Variants in SDK1 observed in about 807,000 individuals in gnomAD.
The protein encoded by SDK1 is sidekick cell adhesion molecule 1.
In SDK1, 157 loss-of-function variants were observed where a neutral mutation model predicts 245.5. That is an observed-to-expected ratio of 0.64 (90% confidence interval 0.56 to 0.73). The LOEUF is 0.73. Ranked by LOEUF, SDK1 falls within the 30% of genes least tolerant of loss-of-function variation. The probability of loss-of-function intolerance (pLI) is 0.00; values close to 1 mark genes in which losing one functional copy is unlikely to be tolerated. For synonymous variants in SDK1, 1,647 were observed against 1,278.5 expected, an observed-to-expected ratio of 1.29 and a Z score of -6.15; for missense variants, 3,583 against 3,002.3, an observed-to-expected ratio of 1.19 and a Z score of -4.52.
intron 30 of SDK1, among the ~76,000 whole-genome samples, chr7:4,153,998 A>G (rs1216966236): frequency 1.3e-5 from 2 of 152,160 alleles, no homozygotes; most frequent in Admixed American, 1.3e-4. Flanking sequence ...AATTCTTAAG[A>G]AACATTTTTA....
intron 1 of SDK1, among the ~76,000 whole-genome samples, chr7:3,508,017 A>C (rs1782449466): frequency 6.6e-6 from 1 of 151,376 alleles, no homozygotes; most frequent in Non-Finnish European, 1.5e-5. Flanking sequence ...CTGACCCCAT[A>C]TTTTCTACTT....
intron 44 of SDK1, among the ~76,000 whole-genome samples, chr7:4,258,716 G>A (rs950134116): frequency 3.9e-5 from 6 of 152,088 alleles, no homozygotes; most frequent in African/African-American, 1.2e-4. Context: ...CACTTCTCTC[G>A]TTTTTCCCCA....
chr7:3,462,830 T>C (rs1186252741), intron 1 of SDK1, among the ~76,000 whole-genome samples: 1 of 152,214 alleles, frequency 6.6e-6, no homozygotes, highest in Admixed American at 6.5e-5. Flanking sequence ...TGTGGTTCTT[T>C]CTAGTCTGTC....
At chr7:3,402,330 C>A (rs1424202107) in intron 1 of SDK1, among the ~76,000 whole-genome samples, 1 of 152,140 alleles carries the variant, frequency 6.6e-6, no homozygotes, top group Non-Finnish European at 1.5e-5. Flanking sequence ...GGAGGTACTT[C>A]AGTAGTTTTT....
intron 4 of SDK1, among the ~76,000 whole-genome samples, chr7:3,687,007 C>A (rs1380181080): frequency 2.0e-5 from 3 of 148,820 alleles, no homozygotes; most frequent in African/African-American, 5.0e-5. Flanking sequence ...GAAGGGAGAT[C>A]TGAGTGGCTT....
At chr7:4,037,417 G>A (rs1788302075) in intron 17 of SDK1, among the ~76,000 whole-genome samples, 1 of 152,126 alleles carries the variant, frequency 6.6e-6, no homozygotes, top group Admixed American at 6.5e-5. Flanking sequence ...CCAGGGGCTT[G>A]AGACCAGCTT....
At chr7:3,756,877 G>C (rs1450620989) in intron 4 of SDK1, among the ~76,000 whole-genome samples, 1 of 152,182 alleles carries the variant, frequency 6.6e-6, no homozygotes, top group Non-Finnish European at 1.5e-5. Context: ...CATATCGGGG[G>C]CACCGGTCAT....
At chr7:3,819,614 T>C (rs1779593732) in intron 4 of SDK1, among the ~76,000 whole-genome samples, 1 of 152,034 alleles carries the variant, frequency 6.6e-6, no homozygotes. Flanking sequence ...TATGGTTCTA[T>C]AAAAGAATCT....
intron 38 of SDK1, among the ~76,000 whole-genome samples, chr7:4,217,465 C>T (rs1784887026): frequency 8.6e-6 from 1 of 115,730 alleles, no homozygotes; most frequent in African/African-American, 3.5e-5. Flanking sequence ...AGCACCACAC[C>T]ACCCGGAGCA....
intron 4 of SDK1, among the ~76,000 whole-genome samples, chr7:3,749,568 G>A (rs1005190697): frequency 3.3e-5 from 5 of 152,090 alleles, no homozygotes; most frequent in African/African-American, 7.2e-5. Flanking sequence ...CAAAGTGCTG[G>A]GATTAGAGGT....
chr7:3,412,392 T>G (rs1293618124), intron 1 of SDK1, among the ~76,000 whole-genome samples: 3 of 152,192 alleles, frequency 2.0e-5, no homozygotes, highest in Non-Finnish European at 2.9e-5. Flanking sequence ...TCACTCAACA[T>G]GTTTCTTGGA....
intron 44 of SDK1, among the ~76,000 whole-genome samples, chr7:4,249,398 C>T (rs368919534): frequency 7.8e-4 from 119 of 152,310 alleles, no homozygotes; most frequent in African/African-American, 2.7e-3. Context: ...ACACTGCTCC[C>T]ACATGGCAAG....
rs768129862 is a variant in SDK1, at chr7:3,958,897, G to C, written c.1151-34G>C. On this transcript the variant is annotated intron_variant, in intron 7 of 44. Transcript: ENST00000404826. ...ATGGTCTCTGACATATCCTTCTTTG[G>C]CTTAGGGGCTTTTTTTTATTTTCTT... The C allele has an allele frequency of 5.8e-6, 9 of 1,548,400 alleles. No individual in the cohort carries two copies. The South Asian group carries it at 1.0e-4, about 17-fold the overall frequency.
chr7:3,850,704 G>C (rs562971205), intron 5 of SDK1, among the ~76,000 whole-genome samples: 1 of 152,282 alleles, frequency 6.6e-6, no homozygotes, highest in African/African-American at 2.4e-5. Flanking sequence ...CATGTCTTTT[G>C]TAGGGACATG....
At chr7:3,767,956 T>A (rs150082104) in intron 4 of SDK1, among the ~76,000 whole-genome samples, 1 of 152,290 alleles carries the variant, frequency 6.6e-6, no homozygotes, top group East Asian at 1.9e-4. Context: ...TACTTTACCA[T>A]CCCCATTTTA....
intron 22 of SDK1, among the ~76,000 whole-genome samples, chr7:4,108,007 A>G (rs1783057799): frequency 6.6e-6 from 1 of 152,168 alleles, no homozygotes; most frequent in Non-Finnish European, 1.5e-5. Context: ...CCATTTATGC[A>G]TCAGCTGCAT....
chr7:3,622,326 C>A (rs1390752478), intron 2 of SDK1, among the ~76,000 whole-genome samples: 1 of 151,948 alleles, frequency 6.6e-6, no homozygotes, highest in East Asian at 1.9e-4. Flanking sequence ...ACTAAAAATA[C>A]AAAAATTAGC....
chr7:3,693,611 G>T (rs1028273320), intron 4 of SDK1, among the ~76,000 whole-genome samples: 32 of 151,746 alleles, frequency 2.1e-4, no homozygotes, highest in Non-Finnish European at 3.1e-4. Context: ...TTATATTTTT[G>T]TTGCTATTAT....
intron 25 of SDK1, among the ~76,000 whole-genome samples, chr7:4,126,136 T>C (rs1784378535): frequency 6.6e-6 from 1 of 152,210 alleles, no homozygotes; most frequent in African/African-American, 2.4e-5. Flanking sequence ...TATGGCGGGA[T>C]CTTCAGTCCC....
Sources: gnomAD v4.1 joint callset for allele counts (sites outside exome capture counted in the v4.1 genomes callset) on GRCh38, gnomAD v4.1.1 for gene constraint, MANE v1.5 for transcripts, NCBI Gene and HGNC (gene_info 2026-07-23, HGNC 2026-07-21) for gene names.